SYT1: variants seen among roughly 807,000 people sequenced by gnomAD.
The protein encoded by SYT1 is synaptotagmin-1.
Under a neutral mutation model 44.8 loss-of-function variants are expected in SYT1, and 8 were observed. That is an observed-to-expected ratio of 0.18 (90% confidence interval 0.10 to 0.32). SYT1 has a LOEUF of 0.32. Ranked by LOEUF, SYT1 falls within the 10% of genes least tolerant of loss-of-function variation. The pLI is 1.00. For missense variants in SYT1, 286 were observed against 509.3 expected (o/e 0.56, Z 4.22); for synonymous variants, 154 against 188.8 (o/e 0.82, Z 1.51).
intron 8 of SYT1, among the ~76,000 whole-genome samples, chr12:79,338,071 T>C (rs770124144): frequency 9.2e-5 from 14 of 152,118 alleles, no homozygotes; most frequent in Non-Finnish European, 1.8e-4. Flanking sequence ...CCCCAAACTG[T>C]TCTCCATTAG....
Position 79,112,504 on chromosome 12 carries a change from CATT to C in SYT1, c.-18+65146_-18+65148del, listed in dbSNP as rs1308164334. ...TTGAGAGTTTTGAGCAGGGGAATGA[CATT>C]ATTGGAGGTGGGGTTTATAAAGATT... is the stretch of plus-strand genomic sequence containing the variant. On this transcript the variant is annotated intron_variant, in intron 3 of 10. Transcript: ENST00000261205. 3.3e-5 allele frequency among the ~76,000 whole-genome samples: 5 copies of C among 152,120 alleles called. No homozygotes were observed. In the East Asian group the frequency reaches 7.7e-4, roughly 23 times the overall value.
intron 1 of SYT1, among the ~76,000 whole-genome samples, chr12:78,892,825 C>T (rs1875131027): frequency 6.6e-6 from 1 of 151,538 alleles, no homozygotes. Context: ...TTATTTTTTT[C>T]AGAATTACAC....
chr12:79,008,328 A>G (rs11835283), intron 2 of SYT1, among the ~76,000 whole-genome samples: 24,373 of 152,082 alleles, frequency 0.16, 2,324 homozygotes, highest in African/African-American at 0.27. Context: ...AGTAAAAAGA[A>G]GAAGAGAGGA....
chr12:79,446,019 ATATATATATATATATT>A (rs1565961552), intron 10 of SYT1, among the ~76,000 whole-genome samples: 1 of 128,394 alleles, frequency 7.8e-6, no homozygotes, highest in East Asian at 2.2e-4. Flanking sequence ...ATATATATAT[ATATATATATATATATT>A]ATGCCTAGGT....
rs920732959 is a variant in SYT1 at position 79,338,827 on chromosome 12, G to C, written c.811-14675G>C. Among the ~76,000 whole-genome samples, 3 of 150,172 alleles carry C rather than the reference G, an allele frequency of 2.0e-5. No individual in the cohort carries two copies. In the East Asian group the frequency reaches 5.9e-4, roughly 30 times the overall value. On this transcript the variant is annotated intron_variant, in intron 8 of 10. Coordinates refer to ENST00000261205, the MANE Select transcript of SYT1 (RefSeq NM_005639.3). ...TAATACTATCCCTCCCCCATCCCCC[G>C]ACCCCACAACAGGCCCGTGTGTGAT...
chr12:79,098,659 T>A (rs1204430554), intron 3 of SYT1, among the ~76,000 whole-genome samples: 1 of 152,168 alleles, frequency 6.6e-6, no homozygotes, highest in Non-Finnish European at 1.5e-5. Flanking sequence ...GTACGATGTT[T>A]CCATCCTTGG....
chr12:79,217,914 C>A (rs1874915009), intron 4 of SYT1, among the ~76,000 whole-genome samples: 1 of 149,048 alleles, frequency 6.7e-6, no homozygotes, highest in African/African-American at 2.5e-5. Flanking sequence ...AAAAAAAAGT[C>A]TGCAGCTTGT....
intron 3 of SYT1, among the ~76,000 whole-genome samples, chr12:79,098,960 T>A (rs560967353): frequency 1.3e-5 from 2 of 152,244 alleles, no homozygotes; most frequent in African/African-American, 4.8e-5. Context: ...GCTTTACTGC[T>A]GCCACTCAAG....
At chr12:78,988,879 GATAGAACA>G (rs150113540) in intron 2 of SYT1, among the ~76,000 whole-genome samples, 46 of 152,262 alleles carry the variant, frequency 3.0e-4, no homozygotes, top group African/African-American at 1.1e-3. Flanking sequence ...AGTGCAGGCA[GATAGAACA>G]ATAGAAGTTA....
At chr12:79,123,662 A>G (rs1233332176) in intron 3 of SYT1, among the ~76,000 whole-genome samples, 1 of 152,212 alleles carries the variant, frequency 6.6e-6, no homozygotes, top group African/African-American at 2.4e-5. Context: ...TGGCTAAAAT[A>G]AAATTGAAGC....
At chr12:78,983,084 C>T (rs1264373506) in intron 2 of SYT1, among the ~76,000 whole-genome samples, 2 of 146,984 alleles carry the variant, frequency 1.4e-5, no homozygotes, top group Non-Finnish European at 3.0e-5. Context: ...TTTTCTTCTT[C>T]CAAGTTTTTT....
chr12:79,219,516 T>C (rs1394712995), intron 4 of SYT1, among the ~76,000 whole-genome samples: 2 of 152,120 alleles, frequency 1.3e-5, no homozygotes, highest in Admixed American at 1.3e-4. Context: ...TTTAGTTGAT[T>C]TTTGTACATG....
intron 1 of SYT1, among the ~76,000 whole-genome samples, chr12:78,971,466 A>G (rs1422037120): frequency 6.6e-6 from 1 of 152,146 alleles, no homozygotes; most frequent in Non-Finnish European, 1.5e-5. Context: ...GAGTAGATGC[A>G]TTGTTCCATG....
intron 5 of SYT1, among the ~76,000 whole-genome samples, chr12:79,288,504 C>A (rs1316866713): frequency 6.6e-6 from 1 of 152,054 alleles, no homozygotes; most frequent in Admixed American, 6.6e-5. Flanking sequence ...TAATTCATAT[C>A]AAATTCACAG....
chr12:79,094,903 G>T (rs1878022738), intron 3 of SYT1, among the ~76,000 whole-genome samples: 1 of 151,812 alleles, frequency 6.6e-6, no homozygotes. Context: ...AAAGATACAG[G>T]CTGCTGAAAA....
At chr12:79,445,642 G>A (rs571616128) in intron 10 of SYT1, among the ~76,000 whole-genome samples, 94 of 151,644 alleles carry the variant, frequency 6.2e-4, no homozygotes, top group African/African-American at 2.1e-3. Context: ...CTTTTTTATG[G>A]CCGAATAGTA....
chr12:79,096,510 AC>A (rs1878140465), intron 3 of SYT1, among the ~76,000 whole-genome samples: 1 of 151,986 alleles, frequency 6.6e-6, no homozygotes, highest in African/African-American at 2.4e-5. Context: ...TCCAGAAGAT[AC>A]GTTTCTTAAC....
chr12:78,878,230 G>A lies in SYT1; in HGVS notation c.-217+13121G>A, dbSNP rs377204428. Among the ~76,000 whole-genome samples the A allele has an allele frequency of 2.6e-5, 4 of 151,826 alleles. No homozygotes were observed. In the East Asian group the frequency reaches 5.9e-4, roughly 22 times the overall value. On this transcript the variant is annotated intron_variant, in intron 1 of 10. Transcript: ENST00000261205. ...GGATTACCTCTTTTCCTTTAAAATA[G>A]TGAGTGGAGAACTAGTCTATGGAAA... is the stretch of plus-strand genomic sequence containing the variant.
intron 3 of SYT1, among the ~76,000 whole-genome samples, chr12:79,181,768 T>C (rs1872560065): frequency 6.6e-6 from 1 of 152,036 alleles, no homozygotes; most frequent in South Asian, 2.1e-4. Flanking sequence ...ATGCCCCTAA[T>C]CCCTTCTCTT....
Sources: gnomAD v4.1 joint callset for allele counts (sites outside exome capture counted in the v4.1 genomes callset) on GRCh38, gnomAD v4.1.1 for gene constraint, MANE v1.5 for transcripts, NCBI Gene and HGNC (gene_info 2026-07-23, HGNC 2026-07-21) for gene names.